The following CNTN6 variants were observed in gnomAD, a reference collection of about 807,000 sequenced individuals.
CNTN6 encodes the protein contactin 6.
In CNTN6, 137 loss-of-function variants were observed where a neutral mutation model predicts 122.8. The observed-to-expected ratio is 1.12, with a 90% CI of 0.97 to 1.29. The LOEUF is 1.29. Among genes scored for constraint, CNTN6 ranks in the 50% most tolerant of loss-of-function variants. The pLI is 0.00. For missense variants in CNTN6, 1,634 were observed against 1,223.4 expected (o/e 1.34, Z -5.01); for synonymous variants, 570 against 426.0 (o/e 1.34, Z -4.16).
At chr3:1,109,002 G>A (rs1366424282) in intron 1 of CNTN6, among the ~76,000 whole-genome samples, 2 of 151,986 alleles carry the variant, frequency 1.3e-5, no homozygotes, top group East Asian at 1.9e-4. Context: ...TTGTTTATGT[G>A]TGTTTAGTCT....
At chr3:1,325,620 C>A (rs1373802570) in intron 8 of CNTN6, among the ~76,000 whole-genome samples, 195 bp from the exon 9 acceptor site, 2 of 151,880 alleles carry the variant, frequency 1.3e-5, no homozygotes, top group East Asian at 3.9e-4. Context: ...AGCCAAATGC[C>A]CAATGATATT....
At chr3:1,203,010 A>C (rs936727893) in intron 2 of CNTN6, among the ~76,000 whole-genome samples, 2 of 152,214 alleles carry the variant, frequency 1.3e-5, no homozygotes, top group Non-Finnish European at 2.9e-5. Flanking sequence ...ATAAGTGATC[A>C]TCCACTCTCA....
In CNTN6 at chr3:1,148,066, A is replaced by C; in HGVS notation, c.55+3A>C. On this transcript the variant is annotated splice_donor_region_variant and intron_variant, in intron 2 of 22. Coordinates refer to ENST00000446702, the MANE Select transcript of CNTN6 (RefSeq NM_001289080.2). Reference sequence around the variant, plus strand: ...GCCACTCATAAACTCTTCTGCAGGTAAAGTGTTCTATTATTATAAGTTTTG... The same window carrying C: ...GCCACTCATAAACTCTTCTGCAGGTCAAGTGTTCTATTATTATAAGTTTTG... 6.2e-7 allele frequency: 1 copy of C among 1,603,750 alleles called. No individual in the cohort carries two copies. The highest frequency in any genetic ancestry group is 1.1e-5 in the South Asian group (1 of 90,532).
intron 11 of CNTN6, among the ~76,000 whole-genome samples, chr3:1,337,173 C>A (rs982754427): frequency 8.5e-5 from 13 of 152,128 alleles, no homozygotes; most frequent in African/African-American, 2.9e-4. Context: ...CAAAGCAGTT[C>A]TTCTAGTTAC....
At chr3:1,177,914 T>G (rs200548407) in intron 2 of CNTN6, among the ~76,000 whole-genome samples, 1 of 122,982 alleles carries the variant, frequency 8.1e-6, no homozygotes, top group Non-Finnish European at 1.7e-5. Flanking sequence ...TTTTTTTTTT[T>G]CTTTGAGACA....
At chr3:1,289,769 G>A (rs552900549) in intron 5 of CNTN6, among the ~76,000 whole-genome samples, 1 of 151,406 alleles carries the variant, frequency 6.6e-6, no homozygotes, top group Non-Finnish European at 1.5e-5. Context: ...CCAACTCCCG[G>A]GTTCCCGCCA....
intron 1 of CNTN6, among the ~76,000 whole-genome samples, chr3:1,117,360 G>A (rs1559344368): frequency 6.6e-6 from 1 of 152,064 alleles, no homozygotes; most frequent in Non-Finnish European, 1.5e-5. Context: ...AGTAAGTCCT[G>A]TTCAGGGAAC....
intron 2 of CNTN6, among the ~76,000 whole-genome samples, chr3:1,170,890 C>T (rs142441179): frequency 6.6e-6 from 1 of 152,252 alleles, no homozygotes; most frequent in East Asian, 1.9e-4. Flanking sequence ...TTTATATTAG[C>T]CACAATACCC....
At chr3:1,344,979 C>T (rs60593461) in intron 11 of CNTN6, among the ~76,000 whole-genome samples, 1,548 of 152,008 alleles carry the variant, frequency 0.01, 27 homozygotes, top group African/African-American at 0.035. Context: ...GTCTCTTTTG[C>T]TTTTTTTCAT....
At chr3:1,150,202 G>A (rs1437719926) in intron 2 of CNTN6, among the ~76,000 whole-genome samples, 4 of 152,116 alleles carry the variant, frequency 2.6e-5, no homozygotes, top group South Asian at 4.1e-4. Context: ...CTCCCTATTC[G>A]CAGATACTAT....
rs1017029391 is a variant in CNTN6, at chr3:1,093,101, G to T, written c.-102G>T. 4 of 294,906 alleles carry T rather than the reference G, an allele frequency of 1.4e-5. No individual in the cohort carries two copies. The highest frequency in any genetic ancestry group is 6.0e-5 in the South Asian group (2 of 33,314). 18.3% of individuals were successfully genotyped at this position (294,906 alleles called of 1,614,324 possible). ...CAGAGTTCTGCAGAAAAACTGTAAA[G>T]ATCCCGAGACATTTCCCTGGTAAGA... On this transcript the variant is annotated 5_prime_UTR_variant, in exon 1 of 23. Transcript: ENST00000446702.
chr3:1,209,702 A>C (rs1440619995), intron 2 of CNTN6, among the ~76,000 whole-genome samples: 2 of 152,104 alleles, frequency 1.3e-5, no homozygotes, highest in African/African-American at 4.8e-5. Flanking sequence ...ACTGAGCAAC[A>C]TCAGTGTCTC....
At chr3:1,370,918 TAAA>T (rs1288916779) in intron 12 of CNTN6, among the ~76,000 whole-genome samples, 1 of 152,032 alleles carries the variant, frequency 6.6e-6, no homozygotes, top group East Asian at 1.9e-4. Context: ...TTTTAAATAA[TAAA>T]AAATGAAGAC....
At chr3:1,300,029 T>G (rs1362413024) in intron 7 of CNTN6, among the ~76,000 whole-genome samples, 1 of 151,990 alleles carries the variant, frequency 6.6e-6, no homozygotes, top group Admixed American at 6.6e-5. Context: ...CAGGCTGGAG[T>G]GCAGTGGCTT....
At chr3:1,289,527 A>G (rs752048125) in intron 5 of CNTN6, among the ~76,000 whole-genome samples, 2 of 152,160 alleles carry the variant, frequency 1.3e-5, no homozygotes, top group Non-Finnish European at 2.9e-5. Flanking sequence ...TGTATAAACT[A>G]AGAGACAGCC....
chr3:1,317,260 A>G (rs1358807881), intron 7 of CNTN6, among the ~76,000 whole-genome samples: 3 of 151,742 alleles, frequency 2.0e-5, no homozygotes, highest in Middle Eastern at 3.4e-3. Context: ...TGAGGATTCT[A>G]AAATATCTAG....
intron 20 of CNTN6, 88 bp from the exon 21 acceptor site, chr3:1,401,345 G>A (rs751392743): frequency 3.7e-4 from 380 of 1,014,766 alleles, no homozygotes; most frequent in Non-Finnish European, 5.2e-4. Flanking sequence ...AATCATCGAA[G>A]ACTTATTTTT....
At chr3:1,169,130 G>A (rs2093314792) in intron 2 of CNTN6, among the ~76,000 whole-genome samples, 1 of 152,172 alleles carries the variant, frequency 6.6e-6, no homozygotes, top group African/African-American at 2.4e-5. Flanking sequence ...ACTAGTCTCA[G>A]AGGCCCTAGT....
intron 1 of CNTN6, among the ~76,000 whole-genome samples, chr3:1,096,828 C>T (rs995981128): frequency 2.0e-5 from 3 of 152,246 alleles, no homozygotes; most frequent in Non-Finnish European, 2.9e-5. Flanking sequence ...GGCTTCAAGT[C>T]GTGTTTTGGG....
Sources: allele counts gnomAD v4.1 joint callset (sites outside exome capture counted in the v4.1 genomes callset), GRCh38; gene constraint gnomAD v4.1.1; transcripts MANE v1.5; gene names NCBI Gene and HGNC (gene_info 2026-07-23, HGNC 2026-07-21).